PRKAR1A: variants seen among roughly 807,000 people sequenced by gnomAD.
The protein encoded by PRKAR1A is protein kinase cAMP-dependent type I regulatory subunit alpha, also known as cAMP-dependent protein kinase type I-alpha regulatory subunit.
Under a neutral mutation model 52.0 loss-of-function variants are expected in PRKAR1A, and 3 were observed. The ratio of observed to expected loss-of-function variants is 0.06; its 90% confidence interval spans 0.03 to 0.15. PRKAR1A has a LOEUF of 0.15. PRKAR1A is among the 10% of genes least tolerant of loss of function. The pLI, the probability that PRKAR1A is intolerant of heterozygous loss-of-function variation, is 1.00. For synonymous variants in PRKAR1A, 188 were observed against 168.4 expected (o/e 1.12, Z -0.90); for missense variants, 240 against 477.4 (o/e 0.50, Z 4.63).
chr17:68,530,749 C>G lies in PRKAR1A; in HGVS notation c.*300C>G, dbSNP rs1362592817. The G allele has an allele frequency of 1.3e-5, 17 of 1,329,172 alleles. No homozygotes were observed. Among genetic ancestry groups the G allele is most frequent in the Non-Finnish European group, 1.6e-5 (17 of 1,033,528 alleles). 82.3% of individuals were successfully genotyped at this position (1,329,172 alleles called of 1,614,324 possible). Reference sequence around the variant, plus strand: ...GCCATGCTTTTTGGTGAGGGCAGATCCCAGCACCTATTGAATTACCATAGA... The same window carrying G: ...GCCATGCTTTTTGGTGAGGGCAGATGCCAGCACCTATTGAATTACCATAGA... On this transcript the variant is annotated 3_prime_UTR_variant, in exon 11 of 11. Transcript: ENST00000589228.
chr17:68,438,185 G>T, the PRKAR1A span, among the ~76,000 whole-genome samples: 2 of 152,146 alleles, frequency 1.3e-5, no homozygotes, highest in Non-Finnish European at 2.9e-5. Flanking sequence ...CTTATCACTT[G>T]CCATGCATAG....
At chr17:68,540,533 T>A in intron 11 of PRKAR1A, 1 of 496,002 alleles carries the variant, frequency 2.0e-6, no homozygotes, top group South Asian at 1.5e-5. Flanking sequence ...TTGTGTACTT[T>A]CTTCCCTTCC....
upstream of PRKAR1A, among the ~76,000 whole-genome samples, chr17:68,511,493 A>G (rs2085263726): frequency 6.6e-6 from 1 of 152,080 alleles, no homozygotes. Context: ...GTCACAGGGC[A>G]TTTTTGACAA....
At chr17:68,479,184 T>C in the PRKAR1A span, among the ~76,000 whole-genome samples, 2 of 152,246 alleles carry the variant, frequency 1.3e-5, no homozygotes, top group Admixed American at 6.5e-5. Context: ...ATTATTTTTA[T>C]CCAGTAAAAA....
At chr17:68,548,488 C>T (rs919218435) in intron 11 of PRKAR1A, among the ~76,000 whole-genome samples, 4 of 151,850 alleles carry the variant, frequency 2.6e-5, no homozygotes, top group African/African-American at 9.7e-5. Context: ...TGAGATTGAA[C>T]CATTGCACTC....
At chr17:68,453,919 G>A in the PRKAR1A span, among the ~76,000 whole-genome samples, 1 of 152,276 alleles carries the variant, frequency 6.6e-6, no homozygotes, top group Middle Eastern at 3.4e-3. Flanking sequence ...CAGCTGGGAA[G>A]TTTAATTGGA....
the PRKAR1A span, among the ~76,000 whole-genome samples, chr17:68,462,108 T>C: frequency 6.6e-6 from 1 of 152,256 alleles, no homozygotes; most frequent in East Asian, 1.9e-4. Flanking sequence ...CCTTGACTTA[T>C]ATATTCCTTC....
At chr17:68,506,114 T>C in the PRKAR1A span, among the ~76,000 whole-genome samples, 1 of 152,232 alleles carries the variant, frequency 6.6e-6, no homozygotes, top group African/African-American at 2.4e-5. Flanking sequence ...ATAACCAAAC[T>C]GAGAAGTTGC....
At chr17:68,442,879 C>T in the PRKAR1A span, among the ~76,000 whole-genome samples, 748 of 152,278 alleles carry the variant, frequency 4.9e-3, 1 homozygote, top group Non-Finnish European at 7.3e-3. Flanking sequence ...ATTTTGGGCT[C>T]CTGGTATGAG....
At chr17:68,522,632 C>G in intron 2 of PRKAR1A, 124 bp from the exon 3 acceptor site, 2 of 1,115,900 alleles carry the variant, frequency 1.8e-6, no homozygotes, top group Non-Finnish European at 2.6e-6. Flanking sequence ...GTGTTTTCCT[C>G]TTAACTTACA....
chr17:68,528,898 G>T lies in PRKAR1A; in HGVS notation c.798G>T (p.Thr266=), dbSNP rs201774040. The T allele has an allele frequency of 6.2e-7, 1 of 1,613,776 alleles. No individual in the cohort carries two copies. The highest frequency in any genetic ancestry group is 8.5e-7 in the Non-Finnish European group (1 of 1,179,832). Residue 266 remains threonine, a synonymous_variant, in exon 9 of 11, where the codon ACG becomes ACT. Transcript: ENST00000589228. ...LESLDKWERL[T]VADALEPVQF... ...CTCTGGACAAGTGGGAACGTCTTAC[G>T]GTAGCTGATGCATTGGAACCAGTGC...
chr17:68,440,661 A>G, the PRKAR1A span: 12 of 151,870 alleles, frequency 7.9e-5, no homozygotes, highest in Admixed American at 5.2e-4. Context: ...ACTGGCAGCT[A>G]TAATTCCACT....
the PRKAR1A span, among the ~76,000 whole-genome samples, chr17:68,499,953 A>T: frequency 6.6e-6 from 1 of 152,260 alleles, no homozygotes; most frequent in African/African-American, 2.4e-5. Flanking sequence ...ACATTAACTA[A>T]CAGGTCACTT....
the PRKAR1A span, chr17:68,424,693 T>C: frequency 8.7e-6 from 3 of 342,952 alleles, no homozygotes; most frequent in African/African-American, 2.2e-5. Context: ...GTGACCAACA[T>C]GGTGAAACCC....
chr17:68,529,607 T>C (rs1005901510), intron 9 of PRKAR1A, among the ~76,000 whole-genome samples: 2 of 152,236 alleles, frequency 1.3e-5, no homozygotes, highest in Non-Finnish European at 2.9e-5. Context: ...ACAAATAATA[T>C]GTAAATGAAT....
the PRKAR1A span, chr17:68,426,254 G>GGGGGGGGGGGGGGGGCCCCCCCCCC: frequency 1.2e-6 from 1 of 816,918 alleles, no homozygotes; most frequent in East Asian, 3.5e-5. Context: ...GGGAGCGGGG[G>GGGGGGGGGGGGGGGGCCCCCCCCCC]CTCAAATAAA....
the PRKAR1A span, chr17:68,430,301 G>A: frequency 1.3e-6 from 1 of 779,552 alleles, no homozygotes. Flanking sequence ...TGCCCACTGA[G>A]AACAATCCAG....
At chr17:68,415,126 T>G in the PRKAR1A span, among the ~76,000 whole-genome samples, 1 of 152,318 alleles carries the variant, frequency 6.6e-6, no homozygotes, top group Admixed American at 6.5e-5. Context: ...AATGTCAGTT[T>G]GTGCTCTTTC....
At chr17:68,453,006 T>C in the PRKAR1A span, 3 of 1,603,296 alleles carry the variant, frequency 1.9e-6, no homozygotes, top group Non-Finnish European at 2.6e-6. Flanking sequence ...TGGAGGATAA[T>C]GACAGCATGG....
Sources: allele counts gnomAD v4.1 joint callset (sites outside exome capture counted in the v4.1 genomes callset), GRCh38; gene constraint gnomAD v4.1.1; transcripts MANE v1.5; gene names NCBI Gene and HGNC (gene_info 2026-07-23, HGNC 2026-07-21).